VEGFC: variants seen among roughly 807,000 people sequenced by gnomAD.
VEGFC encodes the protein vascular endothelial growth factor C, also known as FLT4 ligand DHM.
Under a neutral mutation model 46.1 loss-of-function variants are expected in VEGFC, and 12 were observed. The observed-to-expected ratio is 0.26, with a 90% CI of 0.17 to 0.42. The LOEUF (loss-of-function observed/expected upper bound fraction) is 0.42. Ranked by LOEUF, VEGFC falls within the 10% of genes least tolerant of loss-of-function variation. The probability of loss-of-function intolerance (pLI) is 1.00; values close to 1 mark genes in which losing one functional copy is unlikely to be tolerated. For synonymous variants in VEGFC, 232 were observed against 195.5 expected, an observed-to-expected ratio of 1.19 and a Z score of -1.56; for missense variants, 488 against 529.4, an observed-to-expected ratio of 0.92 and a Z score of 0.77.
At chr4:176,786,134 A>G (rs1735999029) in intron 1 of VEGFC, among the ~76,000 whole-genome samples, 1 of 152,062 alleles carries the variant, frequency 6.6e-6, no homozygotes, top group Admixed American at 6.6e-5. Flanking sequence ...GAAGCTTCTG[A>G]GAAGCTTCTG....
chr4:176,712,157 T>C (rs1323179872), intron 3 of VEGFC, among the ~76,000 whole-genome samples: 1 of 152,176 alleles, frequency 6.6e-6, no homozygotes, highest in Admixed American at 6.5e-5. Context: ...TTAATTTTTA[T>C]TAAATTTCTA....
At chr4:176,753,587 C>T (rs919699551) in intron 1 of VEGFC, among the ~76,000 whole-genome samples, 2 of 152,084 alleles carry the variant, frequency 1.3e-5, no homozygotes, top group African/African-American at 4.8e-5. Flanking sequence ...TTTATAACTC[C>T]TCCCTCATGA....
intron 3 of VEGFC, among the ~76,000 whole-genome samples, chr4:176,718,493 A>G (rs1158082987): frequency 6.6e-6 from 1 of 152,166 alleles, no homozygotes; most frequent in Non-Finnish European, 1.5e-5. Context: ...TTGTTAATAT[A>G]CATGCTCATA....
intron 4 of VEGFC, among the ~76,000 whole-genome samples, chr4:176,695,301 C>A (rs1392348565): frequency 1.3e-5 from 2 of 149,946 alleles, no homozygotes; most frequent in Non-Finnish European, 3.0e-5. Context: ...GGGGATATCA[C>A]CACCGATCCC....
chr4:176,787,456 CAAAAAAAA>C (rs11456080), intron 1 of VEGFC, among the ~76,000 whole-genome samples: 13 of 114,294 alleles, frequency 1.1e-4, no homozygotes, highest in Non-Finnish European at 2.0e-4. Context: ...GACCCTGTCT[CAAAAAAAA>C]AAAAAAAAAG....
intron 1 of VEGFC, among the ~76,000 whole-genome samples, chr4:176,758,853 C>A (rs1735479747): frequency 6.6e-6 from 1 of 152,118 alleles, no homozygotes; most frequent in Non-Finnish European, 1.5e-5. Flanking sequence ...CATCACATGG[C>A]CATTGTAAAC....
At chr4:176,697,133 T>G (rs1347550694) in intron 4 of VEGFC, among the ~76,000 whole-genome samples, 1 of 151,844 alleles carries the variant, frequency 6.6e-6, no homozygotes, top group South Asian at 2.1e-4. Context: ...AATTGATAAA[T>G]GGGATCTAAT....
intron 1 of VEGFC, among the ~76,000 whole-genome samples, chr4:176,732,465 G>C (rs907419496): frequency 6.6e-6 from 1 of 151,854 alleles, no homozygotes; most frequent in Non-Finnish European, 1.5e-5. Context: ...AGATTGGTTT[G>C]AGGAACCTGA....
intron 1 of VEGFC, among the ~76,000 whole-genome samples, chr4:176,773,373 T>A (rs1368801476): frequency 2.0e-5 from 3 of 152,172 alleles, no homozygotes; most frequent in Non-Finnish European, 2.9e-5. Flanking sequence ...TAAACTCCAA[T>A]TTGCTTTAGC....
intron 1 of VEGFC, among the ~76,000 whole-genome samples, chr4:176,767,298 C>A (rs1204018110): frequency 1.3e-5 from 2 of 152,054 alleles, no homozygotes; most frequent in Non-Finnish European, 2.9e-5. Context: ...ACATCACCAC[C>A]ACAATAGCTA....
intron 1 of VEGFC, among the ~76,000 whole-genome samples, chr4:176,765,632 T>C: frequency 6.7e-6 from 1 of 149,556 alleles, no homozygotes; most frequent in Non-Finnish European, 1.5e-5. Context: ...CTCGGCTCAC[T>C]GTAACCTCCG....
At chr4:176,781,955 G>A (rs965980104) in intron 1 of VEGFC, among the ~76,000 whole-genome samples, 1 of 152,206 alleles carries the variant, frequency 6.6e-6, no homozygotes, top group Non-Finnish European at 1.5e-5. Context: ...CTGTCTCAGA[G>A]TGGCACTCAC....
chr4:176,699,307 G>C (rs1421993006), intron 4 of VEGFC, among the ~76,000 whole-genome samples: 1 of 152,192 alleles, frequency 6.6e-6, no homozygotes, highest in Non-Finnish European at 1.5e-5. Context: ...TTCCTTCAGA[G>C]CATCGTCATG....
intron 6 of VEGFC, among the ~76,000 whole-genome samples, chr4:176,684,398 C>T (rs1353101007): frequency 6.6e-6 from 1 of 152,202 alleles, no homozygotes; most frequent in Non-Finnish European, 1.5e-5. Context: ...ATAAGCATGG[C>T]AGAATTCACA....
chr4:176,751,181 A>C (rs1735336290), intron 1 of VEGFC, among the ~76,000 whole-genome samples: 1 of 151,906 alleles, frequency 6.6e-6, no homozygotes, highest in African/African-American at 2.4e-5. Flanking sequence ...AAATAGTGAA[A>C]TATAAACACA....
chr4:176,743,628 A>C (rs1399276721), intron 1 of VEGFC, among the ~76,000 whole-genome samples: 1 of 150,794 alleles, frequency 6.6e-6, no homozygotes, highest in Non-Finnish European at 1.5e-5. Context: ...AGATAGATAT[A>C]GATATATATG....
intron 6 of VEGFC, among the ~76,000 whole-genome samples, chr4:176,685,738 C>T (rs1734027748): frequency 6.6e-6 from 1 of 151,822 alleles, no homozygotes; most frequent in South Asian, 2.1e-4. Flanking sequence ...TTGGTTATTA[C>T]AGTAGGAATA....
chr4:176,740,556 T>C (rs1338134371), intron 1 of VEGFC, among the ~76,000 whole-genome samples: 2 of 137,312 alleles, frequency 1.5e-5, no homozygotes, highest in Non-Finnish European at 3.0e-5. Context: ...TATGTAACTA[T>C]ATATTCTATA....
At chr4:176,688,339 A>G (rs997881497) in intron 4 of VEGFC, among the ~76,000 whole-genome samples, 1 of 152,196 alleles carries the variant, frequency 6.6e-6, no homozygotes, top group East Asian at 1.9e-4. Flanking sequence ...GTAATATTCC[A>G]TACAAAAGAT....
Sources: gnomAD v4.1 joint callset for allele counts (sites outside exome capture counted in the v4.1 genomes callset) on GRCh38, gnomAD v4.1.1 for gene constraint, MANE v1.5 for transcripts, NCBI Gene and HGNC (gene_info 2026-07-23, HGNC 2026-07-21) for gene names.